CDK14: variants seen among roughly 807,000 people sequenced by gnomAD.
The protein encoded by CDK14 is cyclin-dependent kinase 14.
Under a neutral mutation model 60.7 loss-of-function variants are expected in CDK14, and 34 were observed. That is an observed-to-expected ratio of 0.56 (90% CI 0.43 to 0.75). CDK14 has a LOEUF of 0.75. Among genes scored for constraint, CDK14 ranks in the 30% least tolerant of loss-of-function variants. The probability of loss-of-function intolerance (pLI) is 0.00; values close to 1 mark genes in which losing one functional copy is unlikely to be tolerated. For missense variants in CDK14, 482 were observed against 564.1 expected (o/e 0.85, Z 1.47); for synonymous variants, 197 against 203.7 (o/e 0.97, Z 0.28).
intron 5 of CDK14, among the ~76,000 whole-genome samples, chr7:90,862,711 G>C (rs1435315725): frequency 6.6e-6 from 1 of 152,032 alleles, no homozygotes; most frequent in Non-Finnish European, 1.5e-5. Context: ...GCAGAATTCA[G>C]GTTCCATACC....
At chr7:90,701,560 T>A (rs1224219922) in intron 2 of CDK14, among the ~76,000 whole-genome samples, 1 of 152,212 alleles carries the variant, frequency 6.6e-6, no homozygotes, top group Non-Finnish European at 1.5e-5. Context: ...TGTATCTCCC[T>A]TTCCTAGAGT....
chr7:90,631,082 A>AC (rs557493028), intron 2 of CDK14, among the ~76,000 whole-genome samples: 103 of 152,130 alleles, frequency 6.8e-4, no homozygotes, highest in African/African-American at 2.0e-3. Flanking sequence ...AGGATTCAGA[A>AC]CCCCCCTTCT....
chr7:90,750,799 C>A (rs963313272), intron 4 of CDK14, among the ~76,000 whole-genome samples: 1 of 151,418 alleles, frequency 6.6e-6, no homozygotes, highest in African/African-American at 2.4e-5. Flanking sequence ...CTTGAACCTG[C>A]GAGGCGGAGG....
At chr7:91,029,485 GTT>G (rs764273408) in intron 10 of CDK14, among the ~76,000 whole-genome samples, 4 of 144,058 alleles carry the variant, frequency 2.8e-5, no homozygotes, top group African/African-American at 1.0e-4. Context: ...TATCATTTCT[GTT>G]TTTTTTTTTA....
chr7:90,991,873 T>C (rs568586661), intron 10 of CDK14, among the ~76,000 whole-genome samples: 1 of 152,316 alleles, frequency 6.6e-6, no homozygotes, highest in South Asian at 2.1e-4. Flanking sequence ...GCTCTGCTTC[T>C]ATTAAGATTT....
chr7:91,028,848 CTTTGTTGGATGTA>C, intron 10 of CDK14, among the ~76,000 whole-genome samples: 1 of 151,936 alleles, frequency 6.6e-6, no homozygotes, highest in South Asian at 2.1e-4. Flanking sequence ...GATATTAGTC[CTTTGTTGGATGTA>C]TAGTTTATGA....
intron 10 of CDK14, among the ~76,000 whole-genome samples, chr7:91,020,737 T>C (rs182394435): frequency 3.4e-4 from 52 of 152,290 alleles, no homozygotes; most frequent in African/African-American, 1.2e-3. Flanking sequence ...CATGACAAAT[T>C]ACCACAAACT....
At chr7:90,732,573 G>A (rs562847203) in intron 3 of CDK14, among the ~76,000 whole-genome samples, 6 of 152,126 alleles carry the variant, frequency 3.9e-5, no homozygotes, top group African/African-American at 1.4e-4. Context: ...TTTTAGGAGG[G>A]TGTATGTGTC....
At chr7:90,935,774 C>T (rs191419856) in intron 8 of CDK14, among the ~76,000 whole-genome samples, 2 of 152,152 alleles carry the variant, frequency 1.3e-5, no homozygotes, top group East Asian at 3.9e-4. Flanking sequence ...ATAGGCTGGC[C>T]GTGGTGCCTC....
In CDK14 at chr7:91,061,365, G is replaced by C. The variant is rs141890970; in HGVS notation, c.1105+15405G>C. ...TTCGAACTACCTCTTTGAGCTCAGA[G>C]TAGTTTGATCGTCTGAAGCCTTCTT... On this transcript the variant is annotated intron_variant, in intron 11 of 14. Transcript: ENST00000380050. Among the ~76,000 whole-genome samples, 662 of 152,302 alleles carry C rather than the reference G, an allele frequency of 4.3e-3. 4 individuals carry two copies. The highest frequency in any genetic ancestry group is 0.015 in the African/African-American group (638 of 41,568).
At chr7:91,007,592 C>T (rs1457093510) in intron 10 of CDK14, among the ~76,000 whole-genome samples, 1 of 152,122 alleles carries the variant, frequency 6.6e-6, no homozygotes, top group Non-Finnish European at 1.5e-5. Context: ...GCAAATCCAC[C>T]CCAGCTACAA....
At chr7:90,658,437 C>T (rs1413110180) in intron 2 of CDK14, among the ~76,000 whole-genome samples, 1 of 152,140 alleles carries the variant, frequency 6.6e-6, no homozygotes, top group East Asian at 1.9e-4. Context: ...CATAAGGGCT[C>T]CACCCTCGTG....
chr7:90,999,521 G>A (rs886915980), intron 10 of CDK14, among the ~76,000 whole-genome samples: 2 of 151,932 alleles, frequency 1.3e-5, no homozygotes, highest in African/African-American at 4.8e-5. Flanking sequence ...CCTGGGAGGC[G>A]GAGGTTGCAG....
chr7:90,903,114 G>A (rs1584106432), intron 7 of CDK14, among the ~76,000 whole-genome samples: 1 of 152,198 alleles, frequency 6.6e-6, no homozygotes, highest in East Asian at 1.9e-4. Context: ...GTGGAGAAAA[G>A]GGAAGTCATA....
intron 2 of CDK14, among the ~76,000 whole-genome samples, chr7:90,701,668 C>A (rs765455306): frequency 6.6e-6 from 1 of 152,040 alleles, no homozygotes; most frequent in Non-Finnish European, 1.5e-5. Context: ...CCATGGGTAC[C>A]AGCACTCTTG....
intron 2 of CDK14, among the ~76,000 whole-genome samples, chr7:90,695,637 A>G (rs1283927036): frequency 2.0e-5 from 3 of 152,136 alleles, no homozygotes; most frequent in Admixed American, 1.3e-4. Context: ...GGAAAAACGG[A>G]TGGGAGGTGG....
rs1435626068 is a variant in CDK14, at chr7:90,806,517, C to T, written c.544+15865C>T. Among the ~76,000 whole-genome samples, 3 of 152,172 alleles carry T rather than the reference C, an allele frequency of 2.0e-5. No homozygotes were observed. In the East Asian group the frequency reaches 5.8e-4, roughly 29 times the overall value. ...CGAAGATGGCCAAATAGGAACAGCT[C>T]CAGTCTACAGCTCCCAGCGTGAGCG... On this transcript the variant is annotated intron_variant, in intron 5 of 14. Coordinates refer to ENST00000380050, the MANE Select transcript of CDK14 (RefSeq NM_001287135.2).
At chr7:90,980,030 A>G (rs1184468605) in intron 9 of CDK14, among the ~76,000 whole-genome samples, 1 of 152,112 alleles carries the variant, frequency 6.6e-6, no homozygotes, top group African/African-American at 2.4e-5. Context: ...TCAATCCTAA[A>G]AGATTGTCTG....
In CDK14 at chr7:90,938,277, A is replaced by C. The variant is rs757996034; in HGVS notation, c.827-17420A>C. Among the ~76,000 whole-genome samples the C allele has an allele frequency of 1.3e-3, 196 of 152,244 alleles. 2 individuals carry two copies. Among genetic ancestry groups the C allele is most frequent in the Admixed American group, 7.9e-4 (12 of 15,284 alleles). ...GTGAGTCTTTCAAAACCATCTGAACAACTCCACTAAATCCTGTAGGTTTGA... is the reference window on the plus strand; with the variant it reads ...GTGAGTCTTTCAAAACCATCTGAACCACTCCACTAAATCCTGTAGGTTTGA... On this transcript the variant is annotated intron_variant, in intron 8 of 14. Coordinates refer to ENST00000380050, the MANE Select transcript of CDK14 (RefSeq NM_001287135.2).
Sources: allele counts gnomAD v4.1 joint callset (sites outside exome capture counted in the v4.1 genomes callset), GRCh38; gene constraint gnomAD v4.1.1; transcripts MANE v1.5; gene names NCBI Gene and HGNC (gene_info 2026-07-23, HGNC 2026-07-21).